Variants in KCNJ6 observed in about 807,000 individuals in gnomAD.
KCNJ6 encodes the protein G protein-activated inward rectifier potassium channel 2.
KCNJ6 carries 9 observed loss-of-function variants against 34.2 expected under a neutral mutation model. That is an observed-to-expected ratio of 0.26 (90% CI 0.16 to 0.46). KCNJ6 has a LOEUF of 0.46. KCNJ6 is among the 20% of genes least tolerant of loss of function. The probability of loss-of-function intolerance (pLI) is 1.00; values close to 1 mark genes in which losing one functional copy is unlikely to be tolerated. For missense variants in KCNJ6, 236 were observed against 531.3 expected (o/e 0.44, Z 5.46); for synonymous variants, 196 against 207.1 (o/e 0.95, Z 0.46).
chr21:37,803,438 C>T (rs1374622453), intron 2 of KCNJ6, among the ~76,000 whole-genome samples: 2 of 152,178 alleles, frequency 1.3e-5, no homozygotes, highest in African/African-American at 2.4e-5. Context: ...GGAGTTGGGG[C>T]AGGAGATTCA....
At chr21:37,721,312 G>T (rs568663987) in intron 2 of KCNJ6, among the ~76,000 whole-genome samples, 3 of 152,320 alleles carry the variant, frequency 2.0e-5, no homozygotes, top group East Asian at 3.9e-4. Context: ...TGGAATGCTG[G>T]TATATCACTG....
chr21:37,866,235 C>T (rs1014999383), intron 1 of KCNJ6, among the ~76,000 whole-genome samples: 7 of 152,206 alleles, frequency 4.6e-5, no homozygotes, highest in Non-Finnish European at 1.0e-4. Context: ...GCCTGCCCTT[C>T]AGGCTTTAAG....
chr21:37,740,844 G>C (rs576405307), intron 2 of KCNJ6, among the ~76,000 whole-genome samples: 2 of 152,352 alleles, frequency 1.3e-5, no homozygotes, highest in East Asian at 1.9e-4. Flanking sequence ...TTGACTAGTA[G>C]ACTTTGCTGC....
At chr21:37,717,800 G>GT (rs573271545) in intron 2 of KCNJ6, among the ~76,000 whole-genome samples, 66 of 152,280 alleles carry the variant, frequency 4.3e-4, no homozygotes, top group African/African-American at 1.5e-3. Context: ...GGAGAAGAGG[G>GT]TTTGTCAAAT....
intron 1 of KCNJ6, among the ~76,000 whole-genome samples, chr21:37,844,572 C>T (rs1294576926): frequency 6.6e-6 from 1 of 151,984 alleles, no homozygotes; most frequent in Non-Finnish European, 1.5e-5. Context: ...TGAGCCAGGG[C>T]CCCTGGACCG....
chr21:37,844,811 GTT>G (rs2123582768), intron 1 of KCNJ6, among the ~76,000 whole-genome samples: 1 of 152,250 alleles, frequency 6.6e-6, no homozygotes, highest in African/African-American at 2.4e-5. Context: ...CTTTAGGTTT[GTT>G]TGTGCACAAA....
intron 1 of KCNJ6, among the ~76,000 whole-genome samples, chr21:37,868,816 A>G (rs925869776): frequency 6.6e-6 from 1 of 152,236 alleles, no homozygotes; most frequent in African/African-American, 2.4e-5. Context: ...AGGGGAGGAC[A>G]GAGGCGCTGG....
At chr21:37,844,408 A>C (rs1227464291) in intron 1 of KCNJ6, among the ~76,000 whole-genome samples, 1 of 151,966 alleles carries the variant, frequency 6.6e-6, no homozygotes, top group Non-Finnish European at 1.5e-5. Context: ...TACTTAGGAG[A>C]CTATTAACAT....
chr21:37,874,994 T>C (rs2055670637), intron 1 of KCNJ6, among the ~76,000 whole-genome samples: 1 of 152,192 alleles, frequency 6.6e-6, no homozygotes, highest in African/African-American at 2.4e-5. Flanking sequence ...CTGGCAGTTC[T>C]GCTCCAAACC....
At chr21:37,757,602 G>A (rs867863427) in intron 2 of KCNJ6, among the ~76,000 whole-genome samples, 57 of 150,794 alleles carry the variant, frequency 3.8e-4, no homozygotes, top group African/African-American at 1.0e-3. Context: ...ATTCCAGCCC[G>A]GAGTGAGCAC....
chr21:37,850,002 TG>T, intron 1 of KCNJ6, among the ~76,000 whole-genome samples: 1 of 152,262 alleles, frequency 6.6e-6, no homozygotes, highest in Admixed American at 6.5e-5. Flanking sequence ...TTTCCTGACA[TG>T]AGATGCTGAC....
chr21:37,796,838 C>T (rs1408777266), intron 2 of KCNJ6, among the ~76,000 whole-genome samples: 7 of 123,860 alleles, frequency 5.7e-5, no homozygotes, highest in Admixed American at 3.2e-4. Flanking sequence ...CCAGGCCGGA[C>T]TGCGGACTGC....
intron 1 of KCNJ6, among the ~76,000 whole-genome samples, chr21:37,879,797 G>A (rs545346571): frequency 2.0e-5 from 3 of 150,322 alleles, no homozygotes; most frequent in South Asian, 4.3e-4. Flanking sequence ...CATGCATGTC[G>A]GATTGGGAGG....
chr21:37,781,535 A>T (rs2055169382), intron 2 of KCNJ6, among the ~76,000 whole-genome samples: 1 of 152,182 alleles, frequency 6.6e-6, no homozygotes, highest in Non-Finnish European at 1.5e-5. Context: ...GATGACAACA[A>T]TTATGAAAAT....
chr21:37,841,140 C>T (rs1568867975), intron 1 of KCNJ6, among the ~76,000 whole-genome samples: 1 of 152,020 alleles, frequency 6.6e-6, no homozygotes, highest in African/African-American at 2.4e-5. Context: ...AGATTTTATA[C>T]ATATTTCTTT....
chr21:37,866,484 AGCCCG>A, intron 1 of KCNJ6, among the ~76,000 whole-genome samples: 2 of 152,192 alleles, frequency 1.3e-5, no homozygotes, highest in Non-Finnish European at 2.9e-5. Flanking sequence ...CTGAACCAGG[AGCCCG>A]ACCTTTCACA....
intron 2 of KCNJ6, among the ~76,000 whole-genome samples, chr21:37,813,005 T>C (rs554510302): frequency 2.7e-4 from 41 of 152,268 alleles, no homozygotes; most frequent in Admixed American, 1.7e-3. Context: ...TGGTATTACA[T>C]TGGGAAAAAT....
At chr21:37,726,450 A>G (rs150369926) in intron 2 of KCNJ6, among the ~76,000 whole-genome samples, 55 of 152,310 alleles carry the variant, frequency 3.6e-4, no homozygotes, top group African/African-American at 1.3e-3. Context: ...GAGTAGGGCC[A>G]CAGCACTTAT....
chr21:37,881,410 C>G (rs1211802743), intron 1 of KCNJ6, among the ~76,000 whole-genome samples: 1 of 151,998 alleles, frequency 6.6e-6, no homozygotes, highest in Non-Finnish European at 1.5e-5. Flanking sequence ...GGGCTCCTTT[C>G]CTAGCCTATA....
Sources: allele counts gnomAD v4.1 joint callset (sites outside exome capture counted in the v4.1 genomes callset), GRCh38; gene constraint gnomAD v4.1.1; transcripts MANE v1.5; gene names NCBI Gene and HGNC (gene_info 2026-07-23, HGNC 2026-07-21).